The following COL4A3 variants were observed in gnomAD, a reference collection of about 807,000 sequenced individuals.
COL4A3 encodes the protein collagen alpha-3(IV) chain.
Under a neutral mutation model 217.4 loss-of-function variants are expected in COL4A3, and 135 were observed. The observed-to-expected ratio is 0.62, with a 90% confidence interval of 0.54 to 0.72. The LOEUF is 0.72. Among genes scored for constraint, COL4A3 ranks in the 30% least tolerant of loss-of-function variants. COL4A3 has a pLI of 0.00. For synonymous variants in COL4A3, 690 were observed against 736.3 expected, an observed-to-expected ratio of 0.94 and a Z score of 1.02; for missense variants, 1,868 against 2,119.9, an observed-to-expected ratio of 0.88 and a Z score of 2.33.
intron 20 of COL4A3, 118 bp from the exon 21 acceptor site, chr2:227,263,662 T>C (rs2070726385): frequency 9.7e-6 from 10 of 1,030,268 alleles, no homozygotes; most frequent in Admixed American, 2.4e-5. Flanking sequence ...ATATGTGTTA[T>C]GTACCTCTCC....
intron 26 of COL4A3, 92 bp from the exon 27 acceptor site, chr2:227,276,293 T>C: frequency 2.1e-6 from 2 of 956,902 alleles, no homozygotes; most frequent in Non-Finnish European, 1.7e-6. Flanking sequence ...TTTGGGGATA[T>C]GTTTATAAAC....
intron 34 of COL4A3, among the ~76,000 whole-genome samples, chr2:227,288,283 G>A (rs1295420151): frequency 6.6e-6 from 1 of 152,054 alleles, no homozygotes; most frequent in East Asian, 1.9e-4. Flanking sequence ...TTTTAGTAGA[G>A]ACAGGGTTTC....
intron 17 of COL4A3, chr2:227,256,610 T>C: frequency 1.4e-6 from 1 of 729,212 alleles, no homozygotes; most frequent in East Asian, 2.5e-5. Context: ...TTGTACTGTG[T>C]ACTTGAAGCT....
chr2:227,293,989 C>T, intron 38 of COL4A3: 2 of 320,300 alleles, frequency 6.2e-6, no homozygotes, highest in South Asian at 5.3e-5. Context: ...AAGGTTAGGA[C>T]TTCAGCATAT....
chr2:227,244,900 T>C lies in COL4A3; in HGVS notation c.280-51T>C, dbSNP rs1438391096. The C allele has an allele frequency of 4.1e-6, 6 of 1,476,252 alleles. No homozygotes were observed. The East Asian group carries it at 9.8e-5, about 24-fold the overall frequency. The allele number at this position is 1,476,252 out of a possible 1,614,324, so 91.4% of individuals were successfully genotyped here. On this transcript the variant is annotated intron_variant, in intron 4 of 51. Transcript: ENST00000396578. Reference sequence around the variant, plus strand: ...TAAATTTATGTTTATAGATTGAACATTTTTAAAGTTTTTTTTTTTTGCCAC... The same window carrying C: ...TAAATTTATGTTTATAGATTGAACACTTTTAAAGTTTTTTTTTTTTGCCAC...
At chr2:227,183,559 GA>G (rs2065924078) in intron 1 of COL4A3, among the ~76,000 whole-genome samples, 1 of 152,106 alleles carries the variant, frequency 6.6e-6, no homozygotes, top group African/African-American at 2.4e-5. Context: ...GTAGAAGATT[GA>G]CTCAAACTTG....
rs113009512 is a variant in COL4A3 at position 227,268,342 on chromosome 2, C to T, written c.1504+1254C>T. 755 of 152,364 alleles carry T rather than the reference C, an allele frequency of 5.0e-3. 5 individuals are homozygous for T. The highest frequency in any genetic ancestry group is 8.9e-3 in the Non-Finnish European group (607 of 68,080). 9.4% of individuals were successfully genotyped at this position (152,364 alleles called of 1,614,324 possible). The stretch of plus-strand genomic sequence containing the variant: ...TAGAGACTGAACTGAAATCTAGACG[C>T]GTGCTCTTACCCTCCACGCCTGCAT... On this transcript the variant is annotated intron_variant, in intron 23 of 51. Coordinates refer to ENST00000396578, the MANE Select transcript of COL4A3 (RefSeq NM_000091.5).
intron 1 of COL4A3, among the ~76,000 whole-genome samples, chr2:227,219,288 A>T (rs1013478092): frequency 3.3e-5 from 5 of 152,206 alleles, no homozygotes; most frequent in Non-Finnish European, 5.9e-5. Flanking sequence ...GGCGTGAGCC[A>T]CCATGCCAGG....
chr2:227,240,006 G>T (rs1262887823), intron 2 of COL4A3, 137 bp from the exon 3 acceptor site: 1 of 854,756 alleles, frequency 1.2e-6, no homozygotes, highest in Non-Finnish European at 1.9e-6. Flanking sequence ...TGCTAATTAT[G>T]ATTTTTTTAA....
intron 21 of COL4A3, chr2:227,264,915 G>T (rs1299923634): frequency 6.6e-6 from 1 of 152,212 alleles, no homozygotes; most frequent in African/African-American, 2.4e-5. Flanking sequence ...CCTTCGCTAA[G>T]CAACACCCAT....
chr2:227,277,193 C>G (rs1482453064), intron 27 of COL4A3, among the ~76,000 whole-genome samples: 3 of 152,082 alleles, frequency 2.0e-5, no homozygotes, highest in Non-Finnish European at 4.4e-5. Context: ...GTGGCGGGCA[C>G]CTGTGGTCCC....
chr2:227,262,783 T>A (rs2070669582), intron 20 of COL4A3, among the ~76,000 whole-genome samples: 1 of 152,070 alleles, frequency 6.6e-6, no homozygotes, highest in African/African-American at 2.4e-5. Context: ...GCTCTAAGAG[T>A]TTTTTTGATG....
chr2:227,257,983 C>T (rs2070298863), intron 18 of COL4A3, among the ~76,000 whole-genome samples: 3 of 152,210 alleles, frequency 2.0e-5, no homozygotes, highest in African/African-American at 7.2e-5. Flanking sequence ...CTCCTCCCTC[C>T]ACCTGGGCCC....
At chr2:227,275,705 A>G (rs966328449) in intron 26 of COL4A3, among the ~76,000 whole-genome samples, 1 of 152,218 alleles carries the variant, frequency 6.6e-6, no homozygotes, top group African/African-American at 2.4e-5. Context: ...CCCCCGCGAC[A>G]GATGAGGAAC....
Position 227,237,845 on chromosome 2 carries a change from C to T in COL4A3, c.88-123C>T, listed in dbSNP as rs1008477234. 1.3e-5 allele frequency: 10 copies of T among 742,780 alleles called. No homozygotes were observed. The African/African-American group carries it at 1.6e-4, about 12-fold the overall frequency. 46.0% of individuals were successfully genotyped at this position (742,780 alleles called of 1,614,324 possible). ...CTATTGATATATTGCTACAAGGTCA[C>T]CTGGCTCCTAACAGATAGTGTCCAA... is the stretch of plus-strand genomic sequence containing the variant. On this transcript the variant is annotated intron_variant, in intron 1 of 51. Transcript: ENST00000396578.
chr2:227,186,874 C>A (rs2066053158), intron 1 of COL4A3, among the ~76,000 whole-genome samples: 1 of 152,168 alleles, frequency 6.6e-6, no homozygotes. Flanking sequence ...AAGGCACTGG[C>A]AGATTTGGTG....
intron 24 of COL4A3, among the ~76,000 whole-genome samples, chr2:227,270,549 T>C (rs2071174851): frequency 6.6e-6 from 1 of 152,234 alleles, no homozygotes; most frequent in Non-Finnish European, 1.5e-5. Context: ...TTATTGTCTG[T>C]ATTGCTTTGA....
rs113139827 is a variant in COL4A3 at position 227,200,135 on chromosome 2, C to T, written c.87+35322C>T. ...CTAGCAGAGCCTGACTGTCACCCCA[C>T]CATCTTATGATATTTCTTTTTGTGA... is the stretch of plus-strand genomic sequence containing the variant. On this transcript the variant is annotated intron_variant, in intron 1 of 51. Coordinates refer to ENST00000396578, the MANE Select transcript of COL4A3 (RefSeq NM_000091.5). Among the ~76,000 whole-genome samples, 185 of 152,216 alleles carry T rather than the reference C, an allele frequency of 1.2e-3. 1 individual carries two copies. Among genetic ancestry groups the T allele is most frequent in the African/African-American group, 4.1e-3 (172 of 41,528 alleles).
At chr2:227,239,146 G>A (rs1365747220) in intron 2 of COL4A3, among the ~76,000 whole-genome samples, 1 of 151,996 alleles carries the variant, frequency 6.6e-6, no homozygotes, top group East Asian at 1.9e-4. Flanking sequence ...CCTTATCCAC[G>A]GTTTCTGAAT....
Sources: allele counts gnomAD v4.1 joint callset (sites outside exome capture counted in the v4.1 genomes callset), GRCh38; gene constraint gnomAD v4.1.1; transcripts MANE v1.5; gene names NCBI Gene and HGNC (gene_info 2026-07-23, HGNC 2026-07-21).